FSTL4: variants seen among roughly 807,000 people sequenced by gnomAD.
FSTL4 encodes follistatin-related protein 4.
FSTL4 carries 28 observed loss-of-function variants against 78.2 expected under a neutral mutation model. The observed-to-expected ratio is 0.36, with a 90% CI of 0.27 to 0.49. FSTL4 has a LOEUF of 0.49. Among genes scored for constraint, FSTL4 ranks in the 20% least tolerant of loss-of-function variants. The pLI, the probability that FSTL4 is intolerant of heterozygous loss-of-function variation, is 0.98. For synonymous variants in FSTL4, 422 were observed against 440.5 expected, an observed-to-expected ratio of 0.96 and a Z score of 0.53; for missense variants, 922 against 1,084.9, an observed-to-expected ratio of 0.85 and a Z score of 2.11.
rs1477680994 is a variant in FSTL4, at chr5:133,217,424, C to T, written c.1459-46G>A. ...CATATATCTTCTTAATTGCCCTTTC[C>T]CTCCAACATCTCTAGGTACTCTCTC... On this transcript the variant is annotated intron_variant, in intron 12 of 15. Coordinates refer to ENST00000265342, the MANE Select transcript of FSTL4 (RefSeq NM_015082.2). The T allele has an allele frequency of 1.9e-6, 3 of 1,565,344 alleles. No homozygotes were observed. The African/African-American group carries it at 4.1e-5, about 21-fold the overall frequency.
At chr5:133,700,595 C>T in the FSTL4 span, among the ~76,000 whole-genome samples, 1 of 152,236 alleles carries the variant, frequency 6.6e-6, no homozygotes, top group Non-Finnish European at 1.5e-5. Flanking sequence ...CACTGTATTC[C>T]GGGATGGAGT....
intron 3 of FSTL4, among the ~76,000 whole-genome samples, chr5:133,552,805 G>C (rs1759714620): frequency 6.6e-6 from 1 of 152,182 alleles, no homozygotes; most frequent in Admixed American, 6.5e-5. Context: ...CTCAACGAAA[G>C]TTCAGCTGTT....
chr5:133,418,493 T>A (rs953861223), intron 3 of FSTL4, among the ~76,000 whole-genome samples: 22 of 152,280 alleles, frequency 1.4e-4, no homozygotes, highest in Admixed American at 1.4e-3. Context: ...ACCACCAGAC[T>A]TCTTGAAAAA....
At chr5:133,250,438 G>A (rs1291306148) in intron 6 of FSTL4, among the ~76,000 whole-genome samples, 1 of 152,060 alleles carries the variant, frequency 6.6e-6, no homozygotes, top group Non-Finnish European at 1.5e-5. Context: ...GGGAGGCTGG[G>A]GCAATAGCCA....
intron 3 of FSTL4, among the ~76,000 whole-genome samples, chr5:133,403,305 G>A (rs892894496): frequency 3.9e-5 from 6 of 152,126 alleles, no homozygotes; most frequent in African/African-American, 1.2e-4. Context: ...GTGTGCCCTG[G>A]CCCCCATTGC....
chr5:133,722,684 C>T, the FSTL4 span, among the ~76,000 whole-genome samples: 2 of 152,164 alleles, frequency 1.3e-5, no homozygotes, highest in South Asian at 2.1e-4. Flanking sequence ...TCTTGTGTCC[C>T]TGCATAGGTG....
At chr5:133,367,296 G>C (rs993925051) in intron 4 of FSTL4, among the ~76,000 whole-genome samples, 3 of 152,200 alleles carry the variant, frequency 2.0e-5, no homozygotes, top group South Asian at 2.1e-4. Flanking sequence ...CCCACAAAGT[G>C]GAACAAGACT....
the FSTL4 span, among the ~76,000 whole-genome samples, chr5:133,734,021 A>G: frequency 6.6e-6 from 1 of 152,230 alleles, no homozygotes; most frequent in African/African-American, 2.4e-5. Context: ...TCTCTGAGAG[A>G]GCACAAAGTG....
At chr5:133,653,708 T>C in the FSTL4 span, among the ~76,000 whole-genome samples, 1 of 152,198 alleles carries the variant, frequency 6.6e-6, no homozygotes, top group Non-Finnish European at 1.5e-5. Context: ...GAAGTGTAAG[T>C]TAAATTATGT....
At chr5:133,221,058 A>G (rs1183878498) in intron 11 of FSTL4, 192 bp from the exon 12 acceptor site, 2 of 679,482 alleles carry the variant, frequency 2.9e-6, no homozygotes, top group Non-Finnish European at 5.4e-6. Context: ...AGGGCCCCCC[A>G]GGACTATGAA....
intron 11 of FSTL4, 76 bp from the exon 12 acceptor site, chr5:133,220,942 C>T (rs946061291): frequency 3.5e-6 from 3 of 858,400 alleles, no homozygotes; most frequent in Non-Finnish European, 6.1e-6. Context: ...GCATTGAACA[C>T]ACAAGAAACC....
chr5:133,635,424 T>C, the FSTL4 span, among the ~76,000 whole-genome samples: 309 of 152,316 alleles, frequency 2.0e-3, 1 homozygote, highest in Middle Eastern at 0.01. Context: ...CCCTGATATA[T>C]GTATATGGGA....
chr5:133,638,338 A>G, the FSTL4 span, among the ~76,000 whole-genome samples: 1 of 152,120 alleles, frequency 6.6e-6, no homozygotes, highest in Admixed American at 6.6e-5. Flanking sequence ...TAGCTGTTGG[A>G]TCACAGCACC....
intron 4 of FSTL4, among the ~76,000 whole-genome samples, chr5:133,324,738 G>A (rs904546016): frequency 3.3e-5 from 5 of 152,226 alleles, no homozygotes; most frequent in African/African-American, 1.2e-4. Flanking sequence ...GGTGGCAGGT[G>A]GGCTTGGAGA....
At chr5:133,529,951 G>C (rs1271931323) in intron 3 of FSTL4, among the ~76,000 whole-genome samples, 1 of 151,946 alleles carries the variant, frequency 6.6e-6, no homozygotes, top group Non-Finnish European at 1.5e-5. Context: ...ATGAAGACGT[G>C]ACTTTGTGTA....
chr5:133,758,552 C>T, the FSTL4 span, among the ~76,000 whole-genome samples: 1 of 152,110 alleles, frequency 6.6e-6, no homozygotes, highest in Non-Finnish European at 1.5e-5. Context: ...AAATTCAATG[C>T]AGATTTAGTA....
At chr5:133,602,322 C>A (rs183203039) in intron 2 of FSTL4, among the ~76,000 whole-genome samples, 1 of 152,290 alleles carries the variant, frequency 6.6e-6, no homozygotes, top group Non-Finnish European at 1.5e-5. Flanking sequence ...GCATCTGCTC[C>A]TTCTTGTTGG....
At chr5:133,765,818 C>A in the FSTL4 span, among the ~76,000 whole-genome samples, 1 of 152,158 alleles carries the variant, frequency 6.6e-6, no homozygotes, top group Non-Finnish European at 1.5e-5. Context: ...TGCCATTACC[C>A]TGAAAATTCA....
intron 4 of FSTL4, among the ~76,000 whole-genome samples, chr5:133,330,198 A>G (rs1754310336): frequency 6.6e-6 from 1 of 152,202 alleles, no homozygotes; most frequent in African/African-American, 2.4e-5. Flanking sequence ...TTTTATGCTC[A>G]TCACTTTTCC....
Sources: allele counts gnomAD v4.1 joint callset (sites outside exome capture counted in the v4.1 genomes callset), GRCh38; gene constraint gnomAD v4.1.1; transcripts MANE v1.5; gene names NCBI Gene and HGNC (gene_info 2026-07-23, HGNC 2026-07-21).